Variants in PTMA observed in about 807,000 individuals in gnomAD.
The protein encoded by PTMA is gene sequence 28.
In PTMA, 4 loss-of-function variants were observed where a neutral mutation model predicts 16.9. The observed-to-expected ratio is 0.24, with a 90% CI of 0.12 to 0.54. The LOEUF is 0.54. Among genes scored for constraint, PTMA ranks in the 20% least tolerant of loss-of-function variants. PTMA has a pLI of 0.95. For synonymous variants in PTMA, 58 were observed against 47.9 expected, an observed-to-expected ratio of 1.21 and a Z score of -0.87; for missense variants, 120 against 137.7, an observed-to-expected ratio of 0.87 and a Z score of 0.64.
At chr2:231,711,086 AG>A in intron 1 of PTMA, 2 of 353,878 alleles carry the variant, frequency 5.7e-6, no homozygotes, top group Non-Finnish European at 5.2e-6. Flanking sequence ...GGGAAGCGCC[AG>A]GGGGCAGTGG....
intron 1 of PTMA, among the ~76,000 whole-genome samples, chr2:231,709,302 C>T (rs2106241328): frequency 6.6e-6 from 1 of 152,132 alleles, no homozygotes. Flanking sequence ...GCGGATGGGG[C>T]GACGGGCTGG....
Position 231,712,853 on chromosome 2 carries a change from C to G in PTMA, c.*2C>G, listed in dbSNP as rs921794203. On this transcript the variant is annotated 3_prime_UTR_variant, in exon 5 of 5. Coordinates refer to ENST00000409115, the MANE Select transcript of PTMA (RefSeq NM_002823.5). ...CAGAAGACCGACGAGGATGACTAGA[C>G]AGCAAAAAAGGAAAAGTTAAACTAA... 1.3e-6 allele frequency: 2 copies of G among 1,565,360 alleles called. No homozygotes were observed. The highest frequency in any genetic ancestry group is 2.3e-5 in the East Asian group (1 of 42,576).
chr2:231,712,594 C>G (rs970077605), intron 4 of PTMA, 78 bp downstream of exon 4: 1 of 1,481,482 alleles, frequency 6.7e-7, no homozygotes, highest in Non-Finnish European at 9.4e-7. Context: ...GCTCAAGCTG[C>G]GGAGGGACTG....
intron 1 of PTMA, chr2:231,710,594 G>T: frequency 2.0e-6 from 1 of 501,486 alleles, no homozygotes; most frequent in South Asian, 1.6e-5. Context: ...TGTTGGTATT[G>T]GTGGCCGTGT....
rs777354609 is a variant in PTMA at position 231,711,949 on chromosome 2, T to G, written c.177T>G (p.Gly59=). 6.3e-7 allele frequency: 1 copy of G among 1,593,562 alleles called. No homozygotes were observed. Among genetic ancestry groups the G allele is most frequent in the South Asian group, 1.1e-5 (1 of 88,528 alleles). ...DNEVDEEEEE[G]GEEEEEEEEG... Reference sequence around the variant, plus strand: ...AGGTAGACGAAGAAGAGGAAGAAGGTGGGGAGGAAGAGGAGGAGGAAGAAG... The same window carrying G: ...AGGTAGACGAAGAAGAGGAAGAAGGGGGGGAGGAAGAGGAGGAGGAAGAAG... The change falls in exon 3 of 5, where the codon GGT becomes GGG. Residue 59 remains glycine, a synonymous_variant. Transcript: ENST00000409115.
At chr2:231,709,224 C>T (rs2048483390) in intron 1 of PTMA, among the ~76,000 whole-genome samples, 2 of 152,208 alleles carry the variant, frequency 1.3e-5, no homozygotes, top group Admixed American at 1.3e-4. Flanking sequence ...CTTTGTTCGG[C>T]GCCAGGCCGG....
At chr2:231,710,569 C>T (rs752660930) in intron 1 of PTMA, 4 of 551,016 alleles carry the variant, frequency 7.3e-6, no homozygotes, top group Non-Finnish European at 1.3e-5. Context: ...CCCGCAGGCC[C>T]GGACGCCGGA....
Position 231,708,581 on chromosome 2 carries a change from C to CTCGCCGCAGCCGCCT in PTMA, c.-125_-111dup, listed in dbSNP as rs1406584679. 2 of 1,171,858 alleles carry CTCGCCGCAGCCGCCT rather than the reference C, an allele frequency of 1.7e-6. No homozygotes were observed. Among genetic ancestry groups the CTCGCCGCAGCCGCCT allele is most frequent in the African/African-American group, 1.5e-5 (1 of 66,126 alleles). The allele number at this position is 1,171,858 out of a possible 1,614,324, so 72.6% of individuals were successfully genotyped here. ...GCATTGTTCCTCATCCGCCTCCTTGCTCGCCGCAGCCGCCTCCGCCGCGCG... is the reference window on the plus strand; with the variant it reads ...GCATTGTTCCTCATCCGCCTCCTTGCTCGCCGCAGCCGCCTTCGCCGCAGCCGCCTCCGCCGCGCG... On this transcript the variant is annotated 5_prime_UTR_variant, in exon 1 of 5. Coordinates refer to ENST00000409115, the MANE Select transcript of PTMA (RefSeq NM_002823.5).
intron 1 of PTMA, chr2:231,710,390 ATGCGCGCC>A (rs1446590471): frequency 5.1e-6 from 6 of 1,173,460 alleles, no homozygotes; most frequent in East Asian, 3.9e-5. Context: ...CGGGCGGGGG[ATGCGCGCC>A]TGCGCGCCGC....
intron 4 of PTMA, 101 bp from the exon 5 acceptor site, chr2:231,712,703 C>T (rs372241948): frequency 7.0e-7 from 1 of 1,433,982 alleles, no homozygotes; most frequent in African/African-American, 1.4e-5. Context: ...GGCTGTGGAG[C>T]TGGGGGTCCC....
intron 1 of PTMA, among the ~76,000 whole-genome samples, chr2:231,709,277 C>G (rs1253813519): frequency 3.9e-5 from 6 of 152,144 alleles, no homozygotes; most frequent in African/African-American, 7.2e-5. Flanking sequence ...TTTGTCTAGA[C>G]TAAGTCCCGA....
At chr2:231,711,571 C>T (rs1461552814) in intron 2 of PTMA, 152 bp downstream of exon 2, 2 of 772,914 alleles carry the variant, frequency 2.6e-6, no homozygotes, top group Non-Finnish European at 4.2e-6. Flanking sequence ...TTACCCGAGG[C>T]GCGATTATTG....
chr2:231,712,233 A>G (rs1318178714), intron 3 of PTMA, among the ~76,000 whole-genome samples: 1 of 152,112 alleles, frequency 6.6e-6, no homozygotes, highest in African/African-American at 2.4e-5. Context: ...CCACTGATCT[A>G]TTGGGCTGGC....
In PTMA at chr2:231,709,567, C is replaced by T. The variant is rs1029482108; in HGVS notation, c.45+816C>T. 7.2e-5 allele frequency among the ~76,000 whole-genome samples: 11 copies of T among 152,152 alleles called. 1 individual carries two copies. Among genetic ancestry groups the T allele is most frequent in the Admixed American group, 6.5e-5 (1 of 15,282 alleles). The stretch of plus-strand genomic sequence containing the variant: ...GGCTGCCCGGGAGCACCGTGTGCGC[C>T]GCAGCTCGGGGCGACGCGGGCCAAC... On this transcript the variant is annotated intron_variant, in intron 1 of 4. Transcript: ENST00000409115.
At chr2:231,711,582 C>G (rs568412711) in intron 2 of PTMA, 163 bp downstream of exon 2, 2 of 744,576 alleles carry the variant, frequency 2.7e-6, no homozygotes, top group Non-Finnish European at 4.4e-6. Context: ...GCGATTATTG[C>G]TAGTTAAATA....
intron 3 of PTMA, 105 bp downstream of exon 3, chr2:231,712,088 C>T (rs1164009784): frequency 3.9e-6 from 6 of 1,526,966 alleles, no homozygotes; most frequent in East Asian, 2.5e-5. Flanking sequence ...GACAATGGTA[C>T]TTGGGGCCAG....
intron 1 of PTMA, among the ~76,000 whole-genome samples, chr2:231,709,475 C>G (rs2048487842): frequency 6.6e-6 from 1 of 152,166 alleles, no homozygotes; most frequent in African/African-American, 2.4e-5. Flanking sequence ...GAGGCGAGAG[C>G]CCACGCGCCG....
intron 1 of PTMA, chr2:231,709,808 C>T (rs757612955): frequency 2.2e-5 from 4 of 178,522 alleles, no homozygotes; most frequent in Non-Finnish European, 3.5e-5. Context: ...CTTAATATTT[C>T]GGCCCTCGTC....
chr2:231,711,655 T>C, intron 2 of PTMA: 1 of 789,278 alleles, frequency 1.3e-6, no homozygotes, highest in Non-Finnish European at 2.0e-6. Context: ...TCCGGTAGTC[T>C]GAGTTTGGGC....
Sources: allele counts gnomAD v4.1 joint callset (sites outside exome capture counted in the v4.1 genomes callset), GRCh38; gene constraint gnomAD v4.1.1; transcripts MANE v1.5; gene names NCBI Gene and HGNC (gene_info 2026-07-23, HGNC 2026-07-21).